MYO9A: variants seen among roughly 807,000 people sequenced by gnomAD.
The protein encoded by MYO9A is myosin IXA.
Under a neutral mutation model 293.3 loss-of-function variants are expected in MYO9A, and 103 were observed. The ratio of observed to expected loss-of-function variants is 0.35; its 90% CI spans 0.30 to 0.41. The LOEUF (loss-of-function observed/expected upper bound fraction) is 0.41. Among genes scored for constraint, MYO9A ranks in the 10% least tolerant of loss-of-function variants. MYO9A has a pLI of 1.00. For missense variants in MYO9A, 2,685 were observed against 3,033.0 expected, an observed-to-expected ratio of 0.89 and a Z score of 2.69; for synonymous variants, 1,001 against 1,035.7, an observed-to-expected ratio of 0.97 and a Z score of 0.64.
chr15:71,954,005 C>T (rs1316241600), intron 14 of MYO9A, among the ~76,000 whole-genome samples: 4 of 151,852 alleles, frequency 2.6e-5, no homozygotes, highest in Admixed American at 2.6e-4. Context: ...AAGCGATTCT[C>T]CTGCCTCAGC....
intron 11 of MYO9A, among the ~76,000 whole-genome samples, chr15:71,987,034 T>C (rs1260862304): frequency 6.6e-6 from 1 of 152,180 alleles, no homozygotes; most frequent in Non-Finnish European, 1.5e-5. Flanking sequence ...TACTGTATCT[T>C]TTCTATGTTT....
intron 12 of MYO9A, among the ~76,000 whole-genome samples, chr15:71,971,021 C>T (rs1318034792): frequency 1.3e-5 from 2 of 151,862 alleles, no homozygotes; most frequent in Non-Finnish European, 2.9e-5. Context: ...ATTAGCCGGG[C>T]ATGGGGGCGG....
At chr15:71,938,308 C>T (rs2058688986) in intron 16 of MYO9A, among the ~76,000 whole-genome samples, 2 of 150,828 alleles carry the variant, frequency 1.3e-5, no homozygotes, top group South Asian at 4.2e-4. Context: ...ATGTTCTCCT[C>T]ATACAAATTA....
At chr15:71,970,955 G>A (rs971905281) in intron 12 of MYO9A, among the ~76,000 whole-genome samples, 3 of 151,476 alleles carry the variant, frequency 2.0e-5, no homozygotes, top group Non-Finnish European at 2.9e-5. Flanking sequence ...TCAGGAGGTC[G>A]AGACCATCCT....
chr15:72,020,057 T>C (rs933203361), intron 5 of MYO9A, among the ~76,000 whole-genome samples: 11 of 152,142 alleles, frequency 7.2e-5, no homozygotes, highest in Non-Finnish European at 1.3e-4. Context: ...CAGCCAAAGA[T>C]GTAACTTTCA....
intron 1 of MYO9A, among the ~76,000 whole-genome samples, chr15:72,102,521 T>G (rs947132432): frequency 8.0e-5 from 10 of 125,626 alleles, no homozygotes; most frequent in Admixed American, 6.1e-4. Context: ...AAAAAAGAAA[T>G]AACAGATTAG....
At chr15:71,905,509 G>A (rs894248974) in intron 19 of MYO9A, among the ~76,000 whole-genome samples, 2 of 152,100 alleles carry the variant, frequency 1.3e-5, no homozygotes, top group Admixed American at 1.3e-4. Context: ...CTCAGCCCAG[G>A]CATGGTGGCT....
At chr15:71,954,927 T>C (rs980332077) in intron 14 of MYO9A, among the ~76,000 whole-genome samples, 15 of 152,358 alleles carry the variant, frequency 9.8e-5, no homozygotes, top group Non-Finnish European at 1.8e-4. Context: ...AAAAGCCATA[T>C]TTCACAAACA....
chr15:71,991,464 A>C (rs1187080760), intron 10 of MYO9A, among the ~76,000 whole-genome samples: 2 of 152,232 alleles, frequency 1.3e-5, no homozygotes, highest in African/African-American at 2.4e-5. Flanking sequence ...CATATAATCT[A>C]TAGATTACAG....
intron 33 of MYO9A, among the ~76,000 whole-genome samples, chr15:71,861,063 A>G (rs1444667475): frequency 5.9e-5 from 9 of 151,944 alleles, no homozygotes; most frequent in African/African-American, 2.2e-4. Flanking sequence ...TACAGAAGAA[A>G]CTAAACCTAC....
chr15:71,953,228 C>A (rs1025253960), intron 14 of MYO9A, among the ~76,000 whole-genome samples: 2 of 152,162 alleles, frequency 1.3e-5, no homozygotes, highest in Non-Finnish European at 2.9e-5. Flanking sequence ...ACTCTGTTCT[C>A]ATTATTACCA....
intron 1 of MYO9A, among the ~76,000 whole-genome samples, chr15:72,079,207 CAGG>C (rs201110766): frequency 0.011 from 1,644 of 152,114 alleles, 28 homozygotes; most frequent in African/African-American, 0.037. Flanking sequence ...ACTGTGGGGG[CAGG>C]AGGAGGAGCA....
At chr15:72,023,690 T>TTCTCAAAACTCTTCTCAAAACTC (rs2077572260) in intron 4 of MYO9A, among the ~76,000 whole-genome samples, 1 of 135,492 alleles carries the variant, frequency 7.4e-6, no homozygotes, top group Admixed American at 7.6e-5. Context: ...AATGAAACTC[T>TTCTCAAAACTCTTCTCAAAACTC]GTCTCAAAAA....
At chr15:72,098,310 T>TA (rs1219160555) in intron 1 of MYO9A, among the ~76,000 whole-genome samples, 2 of 151,426 alleles carry the variant, frequency 1.3e-5, no homozygotes, top group Admixed American at 1.3e-4. Flanking sequence ...GGAAGGGAAC[T>TA]AACACAGAAA....
At chr15:72,011,018 T>C (rs2077157315) in intron 6 of MYO9A, among the ~76,000 whole-genome samples, 1 of 151,978 alleles carries the variant, frequency 6.6e-6, no homozygotes, top group African/African-American at 2.4e-5. Flanking sequence ...TATGTTATTT[T>C]TTTTTTTTAA....
chr15:71,892,930 T>G (rs1596123719), intron 26 of MYO9A: 2 of 1,169,022 alleles, frequency 1.7e-6, no homozygotes, highest in East Asian at 1.2e-4. Flanking sequence ...CCATCAGATT[T>G]GCTTGCTATT....
intron 22 of MYO9A, 55 bp downstream of exon 22, chr15:71,902,886 T>C (rs2057524097): frequency 1.4e-5 from 19 of 1,344,716 alleles, no homozygotes; most frequent in Non-Finnish European, 1.9e-5. Flanking sequence ...CAAAAATTAT[T>C]ATTTTTTAAA....
chr15:72,023,550 C>T (rs2077567043), intron 4 of MYO9A, among the ~76,000 whole-genome samples: 1 of 151,932 alleles, frequency 6.6e-6, no homozygotes, highest in Non-Finnish European at 1.5e-5. Context: ...AAAAAAATAG[C>T]TGGGCATGGT....
rs529495441 is a variant in MYO9A, at chr15:72,099,607, GA to G, written c.-72+18072del. 8.7e-5 allele frequency among the ~76,000 whole-genome samples: 13 copies of G among 149,212 alleles called. No individual in the cohort carries two copies. In the East Asian group the frequency reaches 2.2e-3, roughly 25 times the overall value. ...ACAGCGAGACCTTGTCTCAAAAAAA[GA>G]AAAAAAAACCAAGGCTGGGCGCGGT... On this transcript the variant is annotated intron_variant, in intron 1 of 41. Transcript: ENST00000356056.
Sources: gnomAD v4.1 joint callset for allele counts (sites outside exome capture counted in the v4.1 genomes callset) on GRCh38, gnomAD v4.1.1 for gene constraint, MANE v1.5 for transcripts, NCBI Gene and HGNC (gene_info 2026-07-23, HGNC 2026-07-21) for gene names.